CLN6: variants seen among roughly 807,000 people sequenced by gnomAD.
CLN6 encodes the protein CLN6 transmembrane ER protein.
In CLN6, 22 loss-of-function variants were observed where a neutral mutation model predicts 33.3. The ratio of observed to expected loss-of-function variants is 0.66; its 90% CI spans 0.47 to 0.94. The LOEUF (loss-of-function observed/expected upper bound fraction) is 0.94. Ranked by LOEUF, CLN6 falls within the 40% of genes least tolerant of loss-of-function variation. The pLI is 0.00. For synonymous variants in CLN6, 201 were observed against 174.6 expected (o/e 1.15, Z -1.19); for missense variants, 387 against 417.1 (o/e 0.93, Z 0.63).
At position 68,208,837 on chromosome 15, in the gene CLN6, C is replaced by T. The variant is rs1446848298; in HGVS notation, c.666-427G>A. ...TTTCCCGCTCACTGTAGCTGCCACCCATTCTTTTTAATCCCCAGAGAGCAT... is the reference window on the plus strand; with the variant it reads ...TTTCCCGCTCACTGTAGCTGCCACCTATTCTTTTTAATCCCCAGAGAGCAT... On this transcript the variant is annotated intron_variant, in intron 6 of 6. Coordinates refer to ENST00000249806, the MANE Select transcript of CLN6 (RefSeq NM_017882.3). This position sits in a 1 kb window ranked among gnomAD's most constrained non-coding sequence, Gnocchi z 5.8. Among the ~76,000 whole-genome samples the T allele has an allele frequency of 6.6e-6, 1 of 152,200 alleles. No individual in the cohort carries two copies. Among genetic ancestry groups the T allele is most frequent in the Non-Finnish European group, 1.5e-5 (1 of 68,034 alleles).
intron 1 of CLN6, among the ~76,000 whole-genome samples, chr15:68,245,796 C>T (rs1207272299): frequency 1.3e-5 from 2 of 151,974 alleles, no homozygotes; most frequent in Admixed American, 1.3e-4. Context: ...GTTATTATCA[C>T]ATGAACACAA....
At position 68,220,226 on chromosome 15, in the gene CLN6, AC is replaced by A. The variant is rs2093231766; in HGVS notation, c.84-1577del. On this transcript the variant is annotated intron_variant, in intron 1 of 6. Transcript: ENST00000249806. This position sits in a 1 kb window ranked among gnomAD's most constrained non-coding sequence, Gnocchi z 4.2. ...CTGTCCCCTCTACTCGGTATCTTCC[AC>A]CCCCTCACTGAACACCAACTATGTG... Among the ~76,000 whole-genome samples, 4 of 151,974 alleles carry A rather than the reference AC, an allele frequency of 2.6e-5. No individual in the cohort carries two copies. The highest frequency in any genetic ancestry group is 6.6e-5 in the Admixed American group (1 of 15,248).
At chr15:68,251,821 TCAGA>T (rs1892381730) in intron 1 of CLN6, among the ~76,000 whole-genome samples, 2 of 144,696 alleles carry the variant, frequency 1.4e-5, no homozygotes, top group African/African-American at 4.9e-5. Context: ...AAAAGAATGT[TCAGA>T]CAAATTATTA....
chr15:68,254,687 G>A (rs906781506), intron 1 of CLN6: 22 of 737,396 alleles, frequency 3.0e-5, no homozygotes, highest in African/African-American at 1.2e-4. Flanking sequence ...CAAGATGAAG[G>A]ACAAACCACA....
chr15:68,213,482 T>A (rs1595819141), intron 3 of CLN6: 1 of 152,288 alleles, frequency 6.6e-6, no homozygotes, highest in African/African-American at 2.4e-5. Flanking sequence ...CATCAGGTGA[T>A]CCGCCCGCCT....
At position 68,211,233 on chromosome 15, in the gene CLN6, C is replaced by A. The variant is rs774500792; in HGVS notation, c.542+30G>T. On this transcript the variant is annotated intron_variant, in intron 5 of 6. Transcript: ENST00000249806. This position sits in a 1 kb window ranked among gnomAD's most constrained non-coding sequence, Gnocchi z 5.9. ...CAGGGCTAGCCGGTAGTTGGGGCCCCTGGGATAGACAGATGGGCCCATCAC... is the reference window on the plus strand; with the variant it reads ...CAGGGCTAGCCGGTAGTTGGGGCCCATGGGATAGACAGATGGGCCCATCAC... 1.9e-6 allele frequency: 3 copies of A among 1,609,708 alleles called. No individual in the cohort carries two copies. The highest frequency in any genetic ancestry group is 1.1e-5 in the South Asian group (1 of 90,982).
chr15:68,212,421 T>C (rs1178702668), intron 3 of CLN6: 1 of 156,726 alleles, frequency 6.4e-6, no homozygotes, highest in Admixed American at 6.2e-5. Flanking sequence ...ATGATGGTGA[T>C]AGTAAATGGT....
intron 1 of CLN6, among the ~76,000 whole-genome samples, chr15:68,224,265 CAAAAAAAAAAA>C (rs34196710): frequency 4.3e-5 from 2 of 46,722 alleles, no homozygotes; most frequent in Non-Finnish European, 6.4e-5. Context: ...GACCTTATTG[CAAAAAAAAAAA>C]AAAAAAAAAA....
intron 1 of CLN6, among the ~76,000 whole-genome samples, chr15:68,222,295 G>A (rs184015955): frequency 0.022 from 2,962 of 133,472 alleles, 95 homozygotes; most frequent in African/African-American, 0.076. Context: ...CCGCCACCCC[G>A]TCTAGGAAGT....
chr15:68,218,434 G>C, intron 2 of CLN6, 102 bp downstream of exon 2: 1 of 853,230 alleles, frequency 1.2e-6, no homozygotes, highest in Non-Finnish European at 2.0e-6. Flanking sequence ...AGTTTACTAG[G>C]AGATAAAGGA....
At chr15:68,226,758 C>G (rs2093253430) in intron 1 of CLN6, among the ~76,000 whole-genome samples, 2 of 152,174 alleles carry the variant, frequency 1.3e-5, no homozygotes, top group African/African-American at 4.8e-5. Context: ...AGCCACCACA[C>G]CTGGCCAGTA....
At chr15:68,218,269 G>A in intron 2 of CLN6, 1 of 396,482 alleles carries the variant, frequency 2.5e-6, no homozygotes, top group South Asian at 2.1e-5. Flanking sequence ...AGGCCAGAGG[G>A]GGTTACAGTA....
At chr15:68,230,865 C>A (rs1307236595), upstream of CLN6, among the ~76,000 whole-genome samples, 1 of 152,150 alleles carries the variant, frequency 6.6e-6, no homozygotes, top group Admixed American at 6.5e-5. This position sits in a 1 kb window ranked among gnomAD's most constrained non-coding sequence, Gnocchi z 4.0. Flanking sequence ...CTGCAACCAA[C>A]TCCCATTCTC....
In CLN6 at chr15:68,241,098, A is replaced by G. The variant is rs908239906; in HGVS notation, c.179+15592T>C. On this transcript the variant is annotated intron_variant, in intron 1 of 6. Coordinates refer to the CLN6 transcript ENST00000538696. This position sits in a 1 kb window ranked among gnomAD's most constrained non-coding sequence, Gnocchi z 4.2. ...AAGAGATGAAAAAGATAAACATGCCATAAATAACATTATGCTAGTAAATTT... is the reference window on the plus strand; with the variant it reads ...AAGAGATGAAAAAGATAAACATGCCGTAAATAACATTATGCTAGTAAATTT... Among the ~76,000 whole-genome samples, 1 of 152,212 alleles carries G rather than the reference A, an allele frequency of 6.6e-6. No individual in the cohort carries two copies. Among genetic ancestry groups the G allele is most frequent in the Non-Finnish European group, 1.5e-5 (1 of 68,030 alleles).
Position 68,247,168 on chromosome 15 carries a change from T to C in CLN6, c.179+9522A>G, listed in dbSNP as rs1010121420. 6.6e-6 allele frequency among the ~76,000 whole-genome samples: 1 copy of C among 151,948 alleles called. No individual in the cohort carries two copies. Among genetic ancestry groups the C allele is most frequent in the Non-Finnish European group, 1.5e-5 (1 of 67,996 alleles). On this transcript the variant is annotated intron_variant, in intron 1 of 6. Coordinates refer to the CLN6 transcript ENST00000538696. This position sits in a 1 kb window ranked among gnomAD's most constrained non-coding sequence, Gnocchi z 4.2. ...TATTGGAAGTCCTGTCCATAGCAAT[T>C]AGGCAAGAGAAAGAAATAAAGAGAA...
intron 1 of CLN6, chr15:68,254,826 G>A (rs955311569): frequency 8.9e-7 from 1 of 1,122,602 alleles, no homozygotes; most frequent in Non-Finnish European, 1.3e-6. Context: ...CTGGCAAGGA[G>A]GGGAATAACC....
chr15:68,207,678 T>C lies in CLN6; in HGVS notation c.*462A>G, dbSNP rs922055933. ...AGCCACAGTAGGCTGACGTAACCTA[T>C]GTAATGTAGGGTCAGGGTGGGCCTG... On this transcript the variant is annotated 3_prime_UTR_variant, in exon 7 of 7. Transcript: ENST00000249806. The C allele has an allele frequency of 6.7e-5, 16 of 238,708 alleles. 1 individual carries two copies. In the South Asian group the frequency reaches 9.2e-4, roughly 14 times the overall value. The allele number at this position is 238,708 out of a possible 1,614,324, so 14.8% of individuals were successfully genotyped here.
Position 68,214,860 on chromosome 15 carries a change from G to A in CLN6, c.199-472C>T, listed in dbSNP as rs1488995272. 1.3e-5 allele frequency: 3 copies of A among 232,302 alleles called. No homozygotes were observed. The East Asian group carries it at 3.3e-4, about 25-fold the overall frequency. 14.4% of individuals were successfully genotyped at this position (232,302 alleles called of 1,614,324 possible). ...GGACCGTTCGGGTTCTGGCGCTCCT[G>A]AGTGCCAGATCAGTCTCCTGAGTGC... On this transcript the variant is annotated intron_variant, in intron 2 of 6. Transcript: ENST00000249806.
At chr15:68,215,746 C>A (rs1945190244) in intron 2 of CLN6, 1 of 152,128 alleles carries the variant, frequency 6.6e-6, no homozygotes, top group Non-Finnish European at 1.5e-5. Flanking sequence ...GCCACCATGC[C>A]CACCATATGA....
Sources: allele counts gnomAD v4.1 joint callset (sites outside exome capture counted in the v4.1 genomes callset), GRCh38; gene constraint gnomAD v4.1.1; non-coding constraint Gnocchi (gnomAD v3.1); transcripts MANE v1.5; gene names NCBI Gene and HGNC (gene_info 2026-07-23, HGNC 2026-07-21).